TARBP1: variants seen among roughly 807,000 people sequenced by gnomAD.
The protein encoded by TARBP1 is tRNA (guanosine(18)-2'-O)-methyltransferase TARBP1.
A neutral mutation model predicts 178.6 loss-of-function variants in TARBP1; 144 were observed. The observed-to-expected ratio is 0.81, with a 90% CI of 0.70 to 0.93. The LOEUF (loss-of-function observed/expected upper bound fraction) is 0.93. Among genes scored for constraint, TARBP1 ranks in the 40% least tolerant of loss-of-function variants. The pLI, the probability that TARBP1 is intolerant of heterozygous loss-of-function variation, is 0.00. For synonymous variants in TARBP1, 787 were observed against 781.0 expected, an observed-to-expected ratio of 1.01 and a Z score of -0.13; for missense variants, 2,067 against 2,011.7, an observed-to-expected ratio of 1.03 and a Z score of -0.53.
intron 14 of TARBP1, among the ~76,000 whole-genome samples, chr1:234,430,723 A>T (rs910433750): frequency 9.9e-5 from 15 of 152,236 alleles, no homozygotes; most frequent in Non-Finnish European, 2.1e-4. Context: ...ATGTTAAAAA[A>T]AAAAATAAAA....
At chr1:234,429,709 C>T in intron 15 of TARBP1, 32 bp from the exon 16 acceptor site, 3 of 1,550,438 alleles carry the variant, frequency 1.9e-6, no homozygotes, top group Non-Finnish European at 2.6e-6. Context: ...CTAGGCCATA[C>T]TTCCCCAATT....
intron 14 of TARBP1, 43 bp from the exon 15 acceptor site, chr1:234,430,344 T>C (rs1335778601): frequency 1.3e-6 from 2 of 1,567,586 alleles, no homozygotes; most frequent in Non-Finnish European, 8.7e-7. Flanking sequence ...TATGCACAAG[T>C]CTTAATCAGT....
rs1261368230 is a variant in TARBP1, at chr1:234,443,285, C to T, written c.2134+3518G>A. 2.8e-5 allele frequency among the ~76,000 whole-genome samples: 4 copies of T among 145,052 alleles called. No homozygotes were observed. In the East Asian group the frequency reaches 6.0e-4, roughly 22 times the overall value. ...AGCCTGGGAAACAAGAGCGAAACTCCGTCTCAAAAAAAAAAAAAAAAAATT... is the reference window on the plus strand; with the variant it reads ...AGCCTGGGAAACAAGAGCGAAACTCTGTCTCAAAAAAAAAAAAAAAAAATT... On this transcript the variant is annotated intron_variant, in intron 12 of 29. Coordinates refer to ENST00000040877, the MANE Select transcript of TARBP1 (RefSeq NM_005646.4).
At chr1:234,401,789 C>A (rs562085601) in intron 24 of TARBP1, among the ~76,000 whole-genome samples, 1 of 152,168 alleles carries the variant, frequency 6.6e-6, no homozygotes, top group African/African-American at 2.4e-5. Context: ...CCTGCCCTGA[C>A]CAGTGTGTCT....
intron 12 of TARBP1, among the ~76,000 whole-genome samples, chr1:234,437,937 C>A (rs1400832961): frequency 1.3e-5 from 2 of 152,214 alleles, no homozygotes; most frequent in African/African-American, 4.8e-5. Context: ...CCAAGCTGCA[C>A]ATGCACGGAT....
chr1:234,428,188 C>T (rs1198451734), intron 17 of TARBP1, among the ~76,000 whole-genome samples: 3 of 152,180 alleles, frequency 2.0e-5, no homozygotes, highest in East Asian at 1.9e-4. Context: ...AGAGAAATAA[C>T]GGAATCTGAC....
intron 5 of TARBP1, among the ~76,000 whole-genome samples, 159 bp downstream of exon 5, chr1:234,465,497 G>T (rs1471746274): frequency 6.6e-6 from 1 of 152,066 alleles, no homozygotes; most frequent in Non-Finnish European, 1.5e-5. Context: ...AAATCAGAAT[G>T]CAAGAAGAAT....
chr1:234,422,868 A>G (rs1663273933), intron 20 of TARBP1, among the ~76,000 whole-genome samples: 1 of 152,226 alleles, frequency 6.6e-6, no homozygotes, highest in African/African-American at 2.4e-5. Flanking sequence ...TACACCTACT[A>G]TAGACCCACA....
At chr1:234,442,341 T>C (rs777155692) in intron 12 of TARBP1, among the ~76,000 whole-genome samples, 20 of 152,198 alleles carry the variant, frequency 1.3e-4, no homozygotes, top group Non-Finnish European at 2.6e-4. Context: ...ACCACATATC[T>C]GACAAAGGAC....
chr1:234,471,516 G>C (rs1669053921), intron 2 of TARBP1, among the ~76,000 whole-genome samples: 1 of 152,176 alleles, frequency 6.6e-6, no homozygotes. Flanking sequence ...TCATGTCATA[G>C]AATCCTCAAC....
At position 234,429,223 on chromosome 1, in the gene TARBP1, T is replaced by C; in HGVS notation, c.2973A>G (p.Leu991=). 6.2e-7 allele frequency: 1 copy of C among 1,609,110 alleles called. No individual in the cohort carries two copies. The highest frequency in any genetic ancestry group is 8.5e-7 in the Non-Finnish European group (1 of 1,178,888). The change falls in exon 17 of 30, where the codon TTA becomes TTG. Residue 991 remains leucine (L), a synonymous_variant. Transcript: ENST00000040877. ...SNTQLIFWAN[L]KAFVQFVFDN... ...CAAAAACAAACTGAACAAAAGCTTT[T>C]AAATTAGCCCAGAATATCAGCTGAG...
rs1290071939 is a variant in TARBP1, at chr1:234,447,741, A to G, written c.1961+739T>C. On this transcript the variant is annotated intron_variant, in intron 11 of 29. Transcript: ENST00000040877. ...TTATTGCAAAACAATAATCAAGTGAAAACTGACCTGCTTCCATTCTCACAA... is the reference window on the plus strand; with the variant it reads ...TTATTGCAAAACAATAATCAAGTGAGAACTGACCTGCTTCCATTCTCACAA... Among the ~76,000 whole-genome samples, 7 of 152,210 alleles carry G rather than the reference A, an allele frequency of 4.6e-5. No homozygotes were observed. The East Asian group carries it at 1.2e-3, about 25-fold the overall frequency.
intron 22 of TARBP1, among the ~76,000 whole-genome samples, chr1:234,414,853 G>A (rs1662237904): frequency 6.6e-6 from 1 of 152,092 alleles, no homozygotes; most frequent in Non-Finnish European, 1.5e-5. Context: ...GCATGGTGGT[G>A]CACACCTGTA....
chr1:234,424,783 C>T (rs550233418), intron 20 of TARBP1, among the ~76,000 whole-genome samples: 2 of 152,100 alleles, frequency 1.3e-5, no homozygotes, highest in Non-Finnish European at 2.9e-5. Flanking sequence ...AAAATTAGGC[C>T]AGGCACAGTG....
At chr1:234,457,925 G>T (rs1396148460) in intron 8 of TARBP1, among the ~76,000 whole-genome samples, 169 bp from the exon 9 acceptor site, 1 of 149,762 alleles carries the variant, frequency 6.7e-6, no homozygotes, top group African/African-American at 2.5e-5. Flanking sequence ...CAAATAAAAA[G>T]AAAATATTAT....
intron 1 of TARBP1, among the ~76,000 whole-genome samples, chr1:234,477,115 G>A (rs1466340668): frequency 6.6e-6 from 1 of 152,238 alleles, no homozygotes; most frequent in Non-Finnish European, 1.5e-5. Context: ...AACCCGGGAA[G>A]TGCAGGTTGC....
chr1:234,399,541 T>C (rs541411768), intron 25 of TARBP1, among the ~76,000 whole-genome samples: 2 of 152,280 alleles, frequency 1.3e-5, no homozygotes, highest in South Asian at 2.1e-4. Flanking sequence ...ACTGGGTATA[T>C]ACACAAGGAC....
At chr1:234,412,630 TGA>T (rs1410882002) in intron 22 of TARBP1, among the ~76,000 whole-genome samples, 1 of 152,030 alleles carries the variant, frequency 6.6e-6, no homozygotes, top group Non-Finnish European at 1.5e-5. Context: ...AATTGCCGGG[TGA>T]CAGAGCAAGA....
chr1:234,400,924 C>T (rs1333882864), intron 25 of TARBP1: 1 of 288,294 alleles, frequency 3.5e-6, no homozygotes, highest in Non-Finnish European at 6.5e-6. Context: ...ATATTCCCTT[C>T]CATTGTTTAC....
Sources: allele counts gnomAD v4.1 joint callset (sites outside exome capture counted in the v4.1 genomes callset), GRCh38; gene constraint gnomAD v4.1.1; transcripts MANE v1.5; gene names NCBI Gene and HGNC (gene_info 2026-07-23, HGNC 2026-07-21).